The following CEP70 variants were observed in gnomAD, a reference collection of about 807,000 sequenced individuals.
CEP70 encodes centrosomal protein of 70 kDa.
A neutral mutation model predicts 90.9 loss-of-function variants in CEP70; 70 were observed. The observed-to-expected ratio is 0.77, with a 90% CI of 0.64 to 0.94. The LOEUF (loss-of-function observed/expected upper bound fraction) is 0.94. Among genes scored for constraint, CEP70 ranks in the 40% least tolerant of loss-of-function variants. The probability of loss-of-function intolerance (pLI) is 0.00; values close to 1 mark genes in which losing one functional copy is unlikely to be tolerated. For missense variants in CEP70, 648 were observed against 669.0 expected (o/e 0.97, Z 0.35); for synonymous variants, 220 against 228.3 (o/e 0.96, Z 0.33).
chr3:138,545,924 A>G (rs2039158914), intron 6 of CEP70, among the ~76,000 whole-genome samples: 1 of 152,200 alleles, frequency 6.6e-6, no homozygotes, highest in Admixed American at 6.5e-5. Context: ...TTATCAAGAC[A>G]ATATGTGCAC....
At chr3:138,581,694 CAAAA>C (rs35064874) in intron 2 of CEP70, among the ~76,000 whole-genome samples, 332 of 79,336 alleles carry the variant, frequency 4.2e-3, no homozygotes, top group African/African-American at 0.015. Flanking sequence ...AAACTTGTCT[CAAAA>C]AAAAAAAAAA....
intron 6 of CEP70, among the ~76,000 whole-genome samples, chr3:138,554,127 G>A (rs1480966232): frequency 6.6e-6 from 1 of 151,828 alleles, no homozygotes; most frequent in Non-Finnish European, 1.5e-5. Context: ...CCTGAACCTG[G>A]GAGGCGGAGA....
At chr3:138,556,583 C>T (rs974732562) in intron 6 of CEP70, among the ~76,000 whole-genome samples, 2 of 148,612 alleles carry the variant, frequency 1.3e-5, no homozygotes, top group African/African-American at 5.0e-5. Context: ...CCGACAGTCA[C>T]GTAAGTTCTT....
intron 5 of CEP70, 78 bp from the exon 6 acceptor site, chr3:138,570,576 T>C (rs2041106667): frequency 9.0e-7 from 1 of 1,108,876 alleles, no homozygotes; most frequent in Non-Finnish European, 1.3e-6. Context: ...TATAAGAATG[T>C]ATTGCCTTTC....
At chr3:138,551,211 A>ATTT (rs1207937601) in intron 6 of CEP70, among the ~76,000 whole-genome samples, 1 of 152,242 alleles carries the variant, frequency 6.6e-6, no homozygotes, top group Non-Finnish European at 1.5e-5. Context: ...GGAGCCGTAT[A>ATTT]TTTAGCCTCC....
rs551877234 is a variant in CEP70, at chr3:138,544,945, T to C, written c.466-7598A>G. Among the ~76,000 whole-genome samples the C allele has an allele frequency of 1.3e-5, 2 of 152,240 alleles. 1 individual carries two copies. Among genetic ancestry groups the C allele is most frequent in the South Asian group, 4.1e-4 (2 of 4,820 alleles). On this transcript the variant is annotated intron_variant, in intron 6 of 17. Coordinates refer to ENST00000264982, the MANE Select transcript of CEP70 (RefSeq NM_024491.4). ...GGGGAAATGAAGAGAGGTTGATTAATGGGTACAACAATACAGATACATAGA... is the reference window on the plus strand; with the variant it reads ...GGGGAAATGAAGAGAGGTTGATTAACGGGTACAACAATACAGATACATAGA...
intron 12 of CEP70, among the ~76,000 whole-genome samples, chr3:138,506,823 C>T (rs900557633): frequency 1.1e-4 from 17 of 152,160 alleles, no homozygotes; most frequent in Admixed American, 6.5e-5. Context: ...CTCACTGCAG[C>T]GTTGAATTCC....
chr3:138,579,696 A>G (rs934239204), intron 2 of CEP70, among the ~76,000 whole-genome samples: 1 of 152,052 alleles, frequency 6.6e-6, no homozygotes, highest in African/African-American at 2.4e-5. Flanking sequence ...GCCCTTGGGC[A>G]CTGAATAATC....
intron 8 of CEP70, among the ~76,000 whole-genome samples, chr3:138,531,982 A>ATCAGGAGAAAGG (rs2037870532): frequency 1.3e-5 from 2 of 152,202 alleles, no homozygotes. Context: ...GTGACCTTAC[A>ATCAGGAGAAAGG]TTAAAGCATT....
intron 13 of CEP70, among the ~76,000 whole-genome samples, 174 bp downstream of exon 13, chr3:138,505,121 A>G (rs2034862209): frequency 6.6e-6 from 1 of 152,214 alleles, no homozygotes; most frequent in South Asian, 2.1e-4. Flanking sequence ...CCTAAAATAG[A>G]TATGTAAGTA....
chr3:138,497,624 C>T (rs2034066344), intron 17 of CEP70: 1 of 955,938 alleles, frequency 1.0e-6, no homozygotes, highest in South Asian at 4.8e-5. Flanking sequence ...CTTCATATAA[C>T]CAGAGAGGAA....
intron 6 of CEP70, 56 bp downstream of exon 6, chr3:138,570,262 A>C: frequency 5.9e-6 from 7 of 1,186,652 alleles, no homozygotes; most frequent in Non-Finnish European, 5.9e-6. Context: ...ACCTGGGACC[A>C]TAATGAGCTG....
chr3:138,544,235 C>G (rs1450432052), intron 6 of CEP70, among the ~76,000 whole-genome samples: 1 of 149,598 alleles, frequency 6.7e-6, no homozygotes, highest in South Asian at 2.1e-4. Context: ...AAAAAAAAAG[C>G]AAAAAATTAA....
At chr3:138,557,881 A>G (rs2040134079) in intron 6 of CEP70, among the ~76,000 whole-genome samples, 2 of 152,354 alleles carry the variant, frequency 1.3e-5, no homozygotes, top group South Asian at 4.1e-4. Flanking sequence ...TATCAGACAC[A>G]GACAATTTTA....
chr3:138,564,538 T>G (rs1290650594), intron 6 of CEP70, among the ~76,000 whole-genome samples: 1 of 152,198 alleles, frequency 6.6e-6, no homozygotes, highest in African/African-American at 2.4e-5. Flanking sequence ...CAAGGCTGGT[T>G]TGACACATGC....
At chr3:138,565,039 C>G (rs1273264784) in intron 6 of CEP70, among the ~76,000 whole-genome samples, 1 of 152,150 alleles carries the variant, frequency 6.6e-6, no homozygotes, top group East Asian at 1.9e-4. Flanking sequence ...CACAAGCATT[C>G]CTATACACCA....
At chr3:138,594,131 G>A (rs1458807792) in intron 1 of CEP70, 67 bp downstream of exon 1, 1 of 152,296 alleles carries the variant, frequency 6.6e-6, no homozygotes, top group African/African-American at 2.4e-5. Flanking sequence ...CCCAGGTGAG[G>A]TCAAGTCCGG....
At chr3:138,521,148 C>T (rs1053344718) in intron 11 of CEP70, among the ~76,000 whole-genome samples, 6 of 152,186 alleles carry the variant, frequency 3.9e-5, no homozygotes, top group Non-Finnish European at 5.9e-5. Context: ...GGCATGATCT[C>T]GGCTCGCTAC....
chr3:138,510,714 G>C (rs1188603457), intron 11 of CEP70, among the ~76,000 whole-genome samples: 2 of 152,130 alleles, frequency 1.3e-5, no homozygotes, highest in Non-Finnish European at 2.9e-5. Context: ...CGAGACTACA[G>C]TAGTCCCCCC....
Sources: gnomAD v4.1 joint callset for allele counts (sites outside exome capture counted in the v4.1 genomes callset) on GRCh38, gnomAD v4.1.1 for gene constraint, MANE v1.5 for transcripts, NCBI Gene and HGNC (gene_info 2026-07-23, HGNC 2026-07-21) for gene names.